The following TTC16 variants were observed in gnomAD, a reference collection of about 807,000 sequenced individuals.
TTC16 encodes the protein tetratricopeptide repeat protein 16.
TTC16 carries 66 observed loss-of-function variants against 80.4 expected under a neutral mutation model. That is an observed-to-expected ratio of 0.82 (90% confidence interval 0.67 to 1.01). The LOEUF is 1.01. TTC16 is among the 50% of genes least tolerant of loss of function. The pLI, the probability that TTC16 is intolerant of heterozygous loss-of-function variation, is 0.00. For synonymous variants in TTC16, 438 were observed against 451.3 expected (o/e 0.97, Z 0.37); for missense variants, 1,070 against 1,103.2 (o/e 0.97, Z 0.43).
At chr9:127,729,312 A>G in intron 12 of TTC16, 1 of 421,786 alleles carries the variant, frequency 2.4e-6, no homozygotes, top group Non-Finnish European at 4.4e-6. Flanking sequence ...CACCTGAACT[A>G]ATTTTCATTT....
At position 127,730,808 on chromosome 9, in the gene TTC16, C is replaced by T. The variant is rs145924344; in HGVS notation, c.2025C>T (p.Thr675=). The change falls in exon 14 of 14, where the codon ACC becomes ACT. Residue 675 remains threonine (T), a synonymous_variant. Coordinates refer to ENST00000373289, the MANE Select transcript of TTC16 (RefSeq NM_144965.3). Reference sequence around the variant, plus strand: ...ATGGTCCCAGAAAAATCAAGGCCACCCAGGGCCAGAGGCAGAGCCTTAGCA... The same window carrying T: ...ATGGTCCCAGAAAAATCAAGGCCACTCAGGGCCAGAGGCAGAGCCTTAGCA... The part of the protein sequence containing the change: ...LSHGPRKIKA[T]QGQRQSLSKT... 9.9e-6 allele frequency: 16 copies of T among 1,613,648 alleles called. No homozygotes were observed. Among genetic ancestry groups the T allele is most frequent in the Non-Finnish European group, 1.2e-5 (14 of 1,180,016 alleles).
chr9:127,729,441 C>T lies in TTC16; in HGVS notation c.1765-140C>T, dbSNP rs1467054443. The T allele has an allele frequency of 4.5e-6, 3 of 666,120 alleles. No individual in the cohort carries two copies. In the African/African-American group the frequency reaches 5.4e-5, roughly 12 times the overall value. 41.3% of individuals were successfully genotyped at this position (666,120 alleles called of 1,614,324 possible). A position where few individuals can be genotyped will look rare whatever the true frequency, so the allele number is the denominator to read the frequency against. On this transcript the variant is annotated intron_variant, in intron 12 of 13. Coordinates refer to ENST00000373289, the MANE Select transcript of TTC16 (RefSeq NM_144965.3). ...CAGGCTTAGCCTCTGCGTGTCCCCA[C>T]CCCACTCTAACCTGGCACCTTCAAA...
intron 4 of TTC16, 28 bp downstream of exon 4, chr9:127,717,800 G>A: frequency 6.2e-7 from 1 of 1,602,342 alleles, no homozygotes; most frequent in Non-Finnish European, 8.5e-7. Flanking sequence ...GGCCCATGCA[G>A]GGCACCCACC....
Position 127,724,119 on chromosome 9 carries a change from G to T in TTC16, c.873-1G>T. ...GCCGTCTCCCACGCCCCCCCCGACA[G>T]GGGCACCATGTACCGACGGCTCCAG... On this transcript the variant is annotated splice_acceptor_variant, in intron 7 of 13. Coordinates refer to ENST00000373289, the MANE Select transcript of TTC16 (RefSeq NM_144965.3). LOFTEE classifies it high-confidence loss of function. The T allele has an allele frequency of 6.2e-7, 1 of 1,602,654 alleles. No individual in the cohort carries two copies. The highest frequency in any genetic ancestry group is 1.1e-5 in the South Asian group (1 of 90,140).
chr9:127,731,192 C>A lies in TTC16; in HGVS notation c.2409C>A (p.Thr803=), dbSNP rs139597416. The stretch of plus-strand genomic sequence containing the variant: ...GCAGGGGACTGCTCCGAAGTTCCAC[C>A]AAGACTGAGGCTTTCTATGACTCAA... ...GRSRGLLRSS[T]KTEAFYDSNW... Residue 803 remains threonine (T), a synonymous_variant, in exon 14 of 14, where the codon ACC becomes ACA. Coordinates refer to ENST00000373289, the MANE Select transcript of TTC16 (RefSeq NM_144965.3). 548 of 1,612,940 alleles carry A rather than the reference C, an allele frequency of 3.4e-4. No homozygotes were observed. The African/African-American group carries it at 6.3e-3, about 19-fold the overall frequency.
chr9:127,725,425 G>A (rs1366643168), intron 9 of TTC16, among the ~76,000 whole-genome samples: 2 of 150,992 alleles, frequency 1.3e-5, no homozygotes, highest in Non-Finnish European at 3.0e-5. Context: ...TTAGCCGGGC[G>A]TCGTGGTGGG....
In TTC16 at chr9:127,720,337, A is replaced by C; in HGVS notation, c.599A>C (p.Asp200Ala). ...LTLITNELKQDTTNADVYIFR... is the reference protein window; with the variant it reads ...LTLITNELKQATTNADVYIFR... Reference sequence around the variant, plus strand: ...CTCATCACCAACGAGCTGAAGCAGGACACCACCAACGCCGATGTCTACATC... The same window carrying C: ...CTCATCACCAACGAGCTGAAGCAGGCCACCACCAACGCCGATGTCTACATC... Residue 200 changes from aspartate (D) to alanine (A), a missense_variant, in exon 6 of 14, where the codon GAC (aspartate) becomes GCC (alanine). Coordinates refer to ENST00000373289, the MANE Select transcript of TTC16 (RefSeq NM_144965.3). The C allele has an allele frequency of 6.2e-7, 1 of 1,613,432 alleles. No individual in the cohort carries two copies. Among genetic ancestry groups the C allele is most frequent in the South Asian group, 1.1e-5 (1 of 91,082 alleles).
chr9:127,724,167 A>T lies in TTC16; in HGVS notation c.920A>T (p.Asp307Val). 4.3e-6 allele frequency: 7 copies of T among 1,613,086 alleles called. No homozygotes were observed. The highest frequency in any genetic ancestry group is 5.9e-6 in the Non-Finnish European group (7 of 1,179,946). The change falls in exon 8 of 14, where the codon GAC (aspartate) becomes GTC (valine). Residue 307 changes from aspartate to valine, a missense_variant. Asp to Val is a radical substitution (Grantham distance 152). Coordinates refer to ENST00000373289, the MANE Select transcript of TTC16 (RefSeq NM_144965.3). Reference sequence around the variant, plus strand: ...CAGGAGTTCGATGGGGCAGTGGAGGACTTCCTGAAGGTGCTGGACATGGTG... The same window carrying T: ...CAGGAGTTCGATGGGGCAGTGGAGGTCTTCCTGAAGGTGCTGGACATGGTG... Reference protein sequence around the residue: ...RLQEFDGAVEDFLKVLDMVTE... With the variant: ...RLQEFDGAVEVFLKVLDMVTE...
intron 12 of TTC16, 105 bp downstream of exon 12, chr9:127,727,570 C>A: frequency 6.8e-7 from 1 of 1,461,786 alleles, no homozygotes. Context: ...GCTTCCAGGC[C>A]TGGCTCTGCA....
intron 7 of TTC16, among the ~76,000 whole-genome samples, 196 bp from the exon 8 acceptor site, chr9:127,723,924 A>G (rs1390033099): frequency 6.8e-6 from 1 of 147,268 alleles, no homozygotes; most frequent in Admixed American, 6.7e-5. Flanking sequence ...AAAAATGCTC[A>G]GTGCCTAGTG....
At position 127,724,242 on chromosome 9, in the gene TTC16, T is replaced by C. The variant is rs1048121974; in HGVS notation, c.995T>C (p.Leu332Pro). ...CGGCAGGCACAGCGCCAGCTGTTGCTGACCTACAACGACTTTGCCGTGCAC... is the reference window on the plus strand; with the variant it reads ...CGGCAGGCACAGCGCCAGCTGTTGCCGACCTACAACGACTTTGCCGTGCAC... ...MVRQAQRQLL[L>P]TYNDFAVHCY... The change falls in exon 8 of 14, where the codon CTG (leucine) becomes CCG (proline). Residue 332 changes from leucine to proline, a missense_variant. Leu to Pro is a moderately conservative substitution (Grantham distance 98). Coordinates refer to ENST00000373289, the MANE Select transcript of TTC16 (RefSeq NM_144965.3). 9.3e-6 allele frequency: 15 copies of C among 1,613,102 alleles called. No homozygotes were observed. The highest frequency in any genetic ancestry group is 1.3e-5 in the African/African-American group (1 of 75,070).
At position 127,730,745 on chromosome 9, in the gene TTC16, A is replaced by G; in HGVS notation, c.1962A>G (p.Gln654=). ...TFSDSSLLKT[Q]SSDSGNNREA... ...CTGACTCGTCACTGTTGAAGACGCA[A>G]TCCTCGGACTCTGGGAACAACAGGG... The change falls in exon 14 of 14, where the codon CAA becomes CAG. Residue 654 remains glutamine, a synonymous_variant. Transcript: ENST00000373289. 1 of 1,613,644 alleles carries G rather than the reference A, an allele frequency of 6.2e-7. No homozygotes were observed. The highest frequency in any genetic ancestry group is 8.5e-7 in the Non-Finnish European group (1 of 1,180,018).
Position 127,720,323 on chromosome 9 carries a change from C to G in TTC16, c.585C>G (p.Asn195Lys). Residue 195 changes from asparagine to lysine, a missense_variant, in exon 6 of 14, where the codon AAC becomes AAG. Transcript: ENST00000373289. Reference protein sequence around the residue: ...QHQACLTLITNELKQDTTNAD... With the variant: ...QHQACLTLITKELKQDTTNAD... Reference sequence around the variant, plus strand: ...AGGCCTGCCTCACGCTCATCACCAACGAGCTGAAGCAGGACACCACCAACG... The same window carrying G: ...AGGCCTGCCTCACGCTCATCACCAAGGAGCTGAAGCAGGACACCACCAACG... The G allele has an allele frequency of 5.6e-6, 9 of 1,613,510 alleles. No homozygotes were observed. Among genetic ancestry groups the G allele is most frequent in the East Asian group, 2.2e-5 (1 of 44,890 alleles).
At chr9:127,719,719 C>T (rs1474143370) in intron 4 of TTC16, among the ~76,000 whole-genome samples, 1 of 152,204 alleles carries the variant, frequency 6.6e-6, no homozygotes, top group African/African-American at 2.4e-5. Flanking sequence ...CCTCAAACTC[C>T]TGGCCTCAAG....
At position 127,722,188 on chromosome 9, in the gene TTC16, T is replaced by C. The variant is rs541853762; in HGVS notation, c.658-931T>C. Among the ~76,000 whole-genome samples, 68 of 152,286 alleles carry C rather than the reference T, an allele frequency of 4.5e-4. No individual in the cohort carries two copies. Among genetic ancestry groups the C allele is most frequent in the African/African-American group, 1.5e-3 (63 of 41,562 alleles). On this transcript the variant is annotated intron_variant, in intron 6 of 13. Coordinates refer to ENST00000373289, the MANE Select transcript of TTC16 (RefSeq NM_144965.3). The surrounding 1 kb of genome is among the most constrained non-coding windows in gnomAD (Gnocchi z 4.2). ...GCATTGCCTGGAGCCCAAGGCTGCT[T>C]ATGCCGAAGCCCTGCCCCTAGCTCC...
rs1399123574 is a variant in TTC16 at position 127,723,126 on chromosome 9, T to C, written c.665T>C (p.Leu222Pro). ...ACCCATGGCCTCCTGCAGCCCCACCTCTGCTACCGGGACCTGCACAGCGCC... is the reference window on the plus strand; with the variant it reads ...ACCCATGGCCTCCTGCAGCCCCACCCCTGCTACCGGGACCTGCACAGCGCC... ...RLYNFLQKPH[L>P]CYRDLHSALL... Residue 222 changes from leucine (L) to proline (P), a missense_variant, in exon 7 of 14, where the codon CTC (leucine) becomes CCC (proline). Leu to Pro is a moderately conservative substitution (Grantham distance 98). Transcript: ENST00000373289. 1.2e-6 allele frequency: 2 copies of C among 1,611,022 alleles called. No homozygotes were observed. The highest frequency in any genetic ancestry group is 4.5e-5 in the East Asian group (2 of 44,866).
rs1588441387 is a variant in TTC16, at chr9:127,724,100, T to C, written c.873-20T>C. The stretch of plus-strand genomic sequence containing the variant: ...TGGCGCTCATGTCCCTCCTGCCGTC[T>C]CCCACGCCCCCCCCGACAGGGGCAC... On this transcript the variant is annotated intron_variant, in intron 7 of 13. Coordinates refer to ENST00000373289, the MANE Select transcript of TTC16 (RefSeq NM_144965.3). 7.0e-7 allele frequency: 1 copy of C among 1,431,790 alleles called. No individual in the cohort carries two copies. Among genetic ancestry groups the C allele is most frequent in the Non-Finnish European group, 9.2e-7 (1 of 1,086,110 alleles). 88.7% of individuals were successfully genotyped at this position (1,431,790 alleles called of 1,614,324 possible).
intron 8 of TTC16, 71 bp from the exon 9 acceptor site, chr9:127,724,685 G>A (rs1843776454): frequency 6.4e-7 from 1 of 1,552,678 alleles, no homozygotes; most frequent in Non-Finnish European, 8.7e-7. Flanking sequence ...CCCCCGGGCT[G>A]GAGCCGGCTG....
At chr9:127,726,825 ACAAG>A in intron 10 of TTC16, 141 bp from the exon 11 acceptor site, 10 of 732,446 alleles carry the variant, frequency 1.4e-5, no homozygotes, top group South Asian at 5.4e-5. Flanking sequence ...AAAAAAACAA[ACAAG>A]CAAACAAAAA....
Sources: allele counts gnomAD v4.1 joint callset (sites outside exome capture counted in the v4.1 genomes callset), GRCh38; gene constraint gnomAD v4.1.1; non-coding constraint Gnocchi (gnomAD v3.1); transcripts MANE v1.5; gene names NCBI Gene and HGNC (gene_info 2026-07-23, HGNC 2026-07-21).